Variants in BNC2 observed in about 807,000 individuals in gnomAD.
BNC2 encodes basonuclin zinc finger protein 2.
A neutral mutation model predicts 76.3 loss-of-function variants in BNC2; 20 were observed. The ratio of observed to expected loss-of-function variants is 0.26; its 90% CI spans 0.18 to 0.38. The LOEUF (loss-of-function observed/expected upper bound fraction) is 0.38. Among genes scored for constraint, BNC2 ranks in the 10% least tolerant of loss-of-function variants. The pLI is 1.00. For synonymous variants in BNC2, 582 were observed against 514.8 expected (o/e 1.13, Z -1.77); for missense variants, 1,382 against 1,399.8 (o/e 0.99, Z 0.20).
At chr9:16,691,809 ATTTT>A (rs35924079) in intron 3 of BNC2, among the ~76,000 whole-genome samples, 3 of 129,458 alleles carry the variant, frequency 2.3e-5, no homozygotes, top group African/African-American at 3.0e-5. Flanking sequence ...GTGCCCAGCC[ATTTT>A]TTTTTTTTTT....
At chr9:16,781,246 G>GACCTCATGTT (rs34597569) in intron 1 of BNC2, among the ~76,000 whole-genome samples, 2 of 151,812 alleles carry the variant, frequency 1.3e-5, no homozygotes, top group Non-Finnish European at 2.9e-5. Context: ...AAGGTCTGAA[G>GACCTCATGTT]ATCAGGGCTG....
At chr9:16,866,025 T>G (rs1286134874) in intron 1 of BNC2, among the ~76,000 whole-genome samples, 1 of 152,160 alleles carries the variant, frequency 6.6e-6, no homozygotes, top group Non-Finnish European at 1.5e-5. Flanking sequence ...AGGACAAATC[T>G]GGGTAGTTTA....
intron 1 of BNC2, among the ~76,000 whole-genome samples, chr9:16,770,217 A>C (rs1825798382): frequency 6.6e-6 from 1 of 152,144 alleles, no homozygotes; most frequent in African/African-American, 2.4e-5. Flanking sequence ...AGGAGAGTTG[A>C]CAGTGGATGC....
At chr9:16,702,089 C>G (rs1396909767) in intron 3 of BNC2, among the ~76,000 whole-genome samples, 1 of 152,126 alleles carries the variant, frequency 6.6e-6, no homozygotes, top group Non-Finnish European at 1.5e-5. Flanking sequence ...AAGTCCTTAA[C>G]TACCCTTTAG....
At chr9:16,467,596 A>G (rs1381675809) in intron 5 of BNC2, among the ~76,000 whole-genome samples, 2 of 139,826 alleles carry the variant, frequency 1.4e-5, no homozygotes, top group Non-Finnish European at 1.5e-5. Flanking sequence ...AAAACCAAAC[A>G]CCGCATATTC....
intron 4 of BNC2, among the ~76,000 whole-genome samples, chr9:16,576,182 ATGT>A (rs1228671940): frequency 1.3e-5 from 2 of 152,208 alleles, no homozygotes; most frequent in Admixed American, 6.5e-5. Context: ...ACGAAAGAAA[ATGT>A]TGTTTTCGTT....
At chr9:16,838,581 T>C (rs1055759042) in intron 1 of BNC2, among the ~76,000 whole-genome samples, 2 of 152,112 alleles carry the variant, frequency 1.3e-5, no homozygotes, top group African/African-American at 4.8e-5. Flanking sequence ...AAATGCGAGT[T>C]GTTACCTCAA....
At chr9:16,514,976 G>C (rs556856012) in intron 5 of BNC2, among the ~76,000 whole-genome samples, 9 of 152,234 alleles carry the variant, frequency 5.9e-5, no homozygotes, top group African/African-American at 2.2e-4. Flanking sequence ...CTGGTTTCTG[G>C]AACCAGCAAA....
At chr9:16,840,729 T>C (rs1486083422) in intron 1 of BNC2, among the ~76,000 whole-genome samples, 1 of 152,194 alleles carries the variant, frequency 6.6e-6, no homozygotes, top group Non-Finnish European at 1.5e-5. Context: ...AGTACAATGT[T>C]TATAAACCTG....
intron 5 of BNC2, among the ~76,000 whole-genome samples, chr9:16,508,821 C>CTTTTTTTT (rs386414529): frequency 7.0e-6 from 1 of 143,418 alleles, no homozygotes; most frequent in African/African-American, 2.6e-5. Flanking sequence ...TTTTGCACAT[C>CTTTTTTTT]TTTTTTTTTT....
chr9:16,512,018 CCTA>C (rs370312567), intron 5 of BNC2, among the ~76,000 whole-genome samples: 298 of 152,216 alleles, frequency 2.0e-3, no homozygotes, highest in African/African-American at 6.4e-3. Flanking sequence ...TTATGTGAAA[CCTA>C]CTTTTATTTG....
intron 5 of BNC2, among the ~76,000 whole-genome samples, chr9:16,492,392 C>T (rs1822296835): frequency 6.6e-6 from 1 of 152,172 alleles, no homozygotes; most frequent in African/African-American, 2.4e-5. Context: ...TCTCAAAATG[C>T]ACATTTCTAT....
chr9:16,482,941 T>A (rs912042335), intron 5 of BNC2, among the ~76,000 whole-genome samples: 1 of 152,168 alleles, frequency 6.6e-6, no homozygotes, highest in Admixed American at 6.5e-5. Flanking sequence ...CAACTATCCA[T>A]CTTTCTGGAC....
chr9:16,440,668 A>G (rs1002428661), intron 5 of BNC2, among the ~76,000 whole-genome samples: 5 of 152,084 alleles, frequency 3.3e-5, no homozygotes, highest in African/African-American at 1.2e-4. Flanking sequence ...CTTTCTCCCT[A>G]CAGTACAGAG....
At chr9:16,440,472 G>A (rs1269871638) in intron 5 of BNC2, among the ~76,000 whole-genome samples, 3 of 152,146 alleles carry the variant, frequency 2.0e-5, no homozygotes, top group Non-Finnish European at 4.4e-5. Context: ...TTCTCAGGCT[G>A]AGCCTCAATC....
At chr9:16,539,402 C>CCTAT (rs1215045508) in intron 5 of BNC2, among the ~76,000 whole-genome samples, 1 of 151,194 alleles carries the variant, frequency 6.6e-6, no homozygotes, top group African/African-American at 2.4e-5. Context: ...GTGGCACACA[C>CCTAT]CTATAGTCAC....
chr9:16,674,476 G>C (rs183413681), intron 3 of BNC2, among the ~76,000 whole-genome samples: 2 of 152,242 alleles, frequency 1.3e-5, no homozygotes, highest in Admixed American at 1.3e-4. Flanking sequence ...GATTATTTTA[G>C]TTTAGTCATT....
chr9:16,865,787 C>T (rs888720933), intron 1 of BNC2, among the ~76,000 whole-genome samples: 2 of 152,038 alleles, frequency 1.3e-5, no homozygotes, highest in Non-Finnish European at 1.5e-5. Context: ...ATCATTCTTA[C>T]GCATATTGAG....
At chr9:16,683,604 T>C (rs746784803) in intron 3 of BNC2, among the ~76,000 whole-genome samples, 1 of 151,984 alleles carries the variant, frequency 6.6e-6, no homozygotes, top group Non-Finnish European at 1.5e-5. Flanking sequence ...TAGGAAAAAA[T>C]TTAAAAAGGA....
Sources: gnomAD v4.1 joint callset for allele counts (sites outside exome capture counted in the v4.1 genomes callset) on GRCh38, gnomAD v4.1.1 for gene constraint, MANE v1.5 for transcripts, NCBI Gene and HGNC (gene_info 2026-07-23, HGNC 2026-07-21) for gene names.